The following FGG variants were observed in gnomAD, a reference collection of about 807,000 sequenced individuals.
FGG encodes fibrinogen, gamma polypeptide.
FGG carries 20 observed loss-of-function variants against 51.7 expected under a neutral mutation model. The observed-to-expected ratio is 0.39, with a 90% confidence interval of 0.27 to 0.56. The LOEUF (loss-of-function observed/expected upper bound fraction) is 0.56, where lower values mean the gene tolerates loss of function less well. FGG is among the 20% of genes least tolerant of loss of function. The pLI, the probability that FGG is intolerant of heterozygous loss-of-function variation, is 0.64. For missense variants in FGG, 460 were observed against 534.2 expected (o/e 0.86, Z 1.37); for synonymous variants, 184 against 184.7 (o/e 1.00, Z 0.03).
Position 154,604,997 on chromosome 4 carries a change from G to A in FGG, c.1199C>T (p.Thr400Ile). The A allele has an allele frequency of 6.2e-7, 1 of 1,614,020 alleles. No individual in the cohort carries two copies. The highest frequency in any genetic ancestry group is 8.5e-7 in the Non-Finnish European group (1 of 1,179,972). ...GGTTTTCTTCATGGAATACCACCGG[G>A]TTTTCCAAGTGGCCCAAATAATGCC... The part of the protein sequence containing the change: ...DNGIIWATWK[T>I]RWYSMKKTTM... Residue 400 changes from threonine to isoleucine, a missense_variant, in exon 9 of 9, where the codon ACC becomes ATC. By Grantham distance (89) the Thr-to-Ile change is moderately conservative (BLOSUM62 -1). Coordinates refer to ENST00000336098, the MANE Select transcript of FGG (RefSeq NM_021870.3).
In FGG at chr4:154,608,669, G is replaced by A. The variant is rs747232926; in HGVS notation, c.667-19C>T. ...CAAGTCTCTAATTACACATTTGCAA[G>A]AGCAAAAGGAGAAAATAGACTATCA... On this transcript the variant is annotated intron_variant, in intron 6 of 8. Coordinates refer to ENST00000336098, the MANE Select transcript of FGG (RefSeq NM_021870.3). 2 of 1,601,644 alleles carry A rather than the reference G, an allele frequency of 1.2e-6. No individual in the cohort carries two copies. The highest frequency in any genetic ancestry group is 1.7e-5 in the Admixed American group (1 of 59,954).
rs1278570086 is a variant in FGG, at chr4:154,604,233, T to G, written c.*601A>C. 8.0e-6 allele frequency: 7 copies of G among 872,670 alleles called. No individual in the cohort carries two copies. Among genetic ancestry groups the G allele is most frequent in the Non-Finnish European group, 1.0e-5 (6 of 590,842 alleles). 54.1% of individuals were successfully genotyped at this position (872,670 alleles called of 1,614,324 possible). On this transcript the variant is annotated 3_prime_UTR_variant, in exon 9 of 9. Coordinates refer to ENST00000336098, the MANE Select transcript of FGG (RefSeq NM_021870.3). ...TTTTCAACATGGGGTCTTTTGCTCT[T>G]AAAATGAAGTGAAGCTTTGCAAGTC...
intron 3 of FGG, 58 bp from the exon 4 acceptor site, chr4:154,611,956 C>T (rs1578812603): frequency 5.0e-6 from 8 of 1,604,578 alleles, no homozygotes; most frequent in Non-Finnish European, 6.8e-6. Context: ...ACTAAAACAA[C>T]AGCAAAAGAA....
At chr4:154,605,126 T>G in intron 8 of FGG, 60 bp from the exon 9 acceptor site, 1 of 1,580,542 alleles carries the variant, frequency 6.3e-7, no homozygotes, top group South Asian at 1.1e-5. Flanking sequence ...TCTGCAAGTC[T>G]ATGAAGAGCT....
Position 154,604,393 on chromosome 4 carries a change from A to G in FGG, c.*441T>C, listed in dbSNP as rs2066880. 4.5e-5 allele frequency: 66 copies of G among 1,461,386 alleles called. No individual in the cohort carries two copies. In the South Asian group the frequency reaches 9.1e-4, roughly 20 times the overall value. The allele number at this position is 1,461,386 out of a possible 1,614,324, so 90.5% of individuals were successfully genotyped here. On this transcript the variant is annotated 3_prime_UTR_variant, in exon 9 of 9. Coordinates refer to ENST00000336098, the MANE Select transcript of FGG (RefSeq NM_021870.3). ...ACAAAACAAAAACCATATTAAAAAG[A>G]CATAATTTTCTCCATTTAAAAAGAA...
At chr4:154,609,852 C>G in intron 5 of FGG, 89 bp from the exon 6 acceptor site, 1 of 1,580,334 alleles carries the variant, frequency 6.3e-7, no homozygotes, top group Non-Finnish European at 8.7e-7. Flanking sequence ...ATGTAGTAAA[C>G]TATTCATTTT....
In FGG at chr4:154,608,477, A is replaced by C. The variant is rs1731140089; in HGVS notation, c.840T>G (p.Asn280Lys). ...TTTCAAAACAGTACCTGGTTCTGCC[A>C]TTCCAGTCTTCCAGTTCCACTCTTA... is the stretch of plus-strand genomic sequence containing the variant. ...YALRVELEDW[N>K]GRTSTADYAM... The change falls in exon 7 of 9, where the codon AAT becomes AAG. Residue 280 changes from asparagine (N) to lysine (K), a missense_variant. Transcript: ENST00000336098. 6.2e-7 allele frequency: 1 copy of C among 1,613,376 alleles called. No homozygotes were observed. The highest frequency in any genetic ancestry group is 1.7e-5 in the Admixed American group (1 of 59,902).
intron 7 of FGG, 119 bp downstream of exon 7, chr4:154,608,347 G>C: frequency 1.0e-6 from 1 of 971,524 alleles, no homozygotes; most frequent in Non-Finnish European, 1.6e-6. Flanking sequence ...AGAAAATGGT[G>C]GCTGGATGTG....
chr4:154,610,167 A>C lies in FGG; in HGVS notation c.432T>G (p.Asn144Lys). 6.3e-7 allele frequency: 1 copy of C among 1,590,298 alleles called. No individual in the cohort carries two copies. The highest frequency in any genetic ancestry group is 1.1e-5 in the South Asian group (1 of 90,582). Residue 144 changes from asparagine (N) to lysine (K), a missense_variant, in exon 5 of 9, where the codon AAT (asparagine) becomes AAG (lysine). Coordinates refer to ENST00000336098, the MANE Select transcript of FGG (RefSeq NM_021870.3). ...TCTCTTTCAGGTTAACAATCTTTTGATTATTTGAATTATATATTTCCTGCA... is the reference window on the plus strand; with the variant it reads ...TCTCTTTCAGGTTAACAATCTTTTGCTTATTTGAATTATATATTTCCTGCA... ...RYLQEIYNSN[N>K]QKIVNLKEKV...
intron 8 of FGG, among the ~76,000 whole-genome samples, chr4:154,605,440 C>T (rs192724941): frequency 2.6e-4 from 40 of 152,234 alleles, no homozygotes; most frequent in African/African-American, 9.4e-4. Flanking sequence ...ATGAGGTCAA[C>T]TCAGGTTATT....
Position 154,610,081 on chromosome 4 carries a change from T to C in FGG, c.518A>G (p.Asp173Gly), listed in dbSNP as rs769398415. ...EPCKDTVQIH[D>G]ITGKDCQDIA... ...TCATCAGTTACCTTTCCCAGTGATATCATGGATTTGCACCGTGTCTTTGCA... is the reference window on the plus strand; with the variant it reads ...TCATCAGTTACCTTTCCCAGTGATACCATGGATTTGCACCGTGTCTTTGCA... Residue 173 changes from aspartate (D) to glycine (G), a missense_variant, in exon 5 of 9, where the codon GAT becomes GGT. By Grantham distance (94) the Asp-to-Gly change is moderately conservative. Around this residue, in one of 3 missense-constraint regions of FGG, gnomAD observed 353 missense variants for 391.7 expected, o/e 0.90. Transcript: ENST00000336098. The C allele has an allele frequency of 1.2e-6, 2 of 1,613,880 alleles. No individual in the cohort carries two copies. Among genetic ancestry groups the C allele is most frequent in the South Asian group, 1.1e-5 (1 of 91,070 alleles).
rs543878743 is a variant in FGG at position 154,610,769 on chromosome 4, A to G, written c.402-572T>C. On this transcript the variant is annotated intron_variant, in intron 4 of 8. Transcript: ENST00000336098. ...TCTGGAACGTTATTGTATGTAAAAT[A>G]AAACAACAGATACTTCCCCTTTCTT... Among the ~76,000 whole-genome samples the G allele has an allele frequency of 5.9e-5, 9 of 152,304 alleles. 1 individual carries two copies. In the South Asian group the frequency reaches 1.9e-3, roughly 32 times the overall value.
chr4:154,608,548 C>G lies in FGG; in HGVS notation c.769G>C (p.Glu257Gln). ...TGTTEFWLGN[E>Q]KIHLISTQSA... Reference sequence around the variant, plus strand: ...TGTGTGCTTATCAAATGAATCTTCTCATTTCCCAGCCAAAATTCTGTTGTG... The same window carrying G: ...TGTGTGCTTATCAAATGAATCTTCTGATTTCCCAGCCAAAATTCTGTTGTG... Residue 257 changes from glutamate (E) to glutamine (Q), a missense_variant, in exon 7 of 9, where the codon GAG (glutamate) becomes CAG (glutamine). Glu to Gln is a conservative substitution (Grantham distance 29). Transcript: ENST00000336098. The G allele has an allele frequency of 6.2e-7, 1 of 1,613,880 alleles. No individual in the cohort carries two copies. Among genetic ancestry groups the G allele is most frequent in the Non-Finnish European group, 8.5e-7 (1 of 1,179,872 alleles).
rs1255227094 is a variant in FGG, at chr4:154,610,200, A to G, written c.402-3T>C. Reference sequence around the variant, plus strand: ...AATTATATATTTCCTGCAAATATCTACAAACAGAAACATAAGATAACAAAA... The same window carrying G: ...AATTATATATTTCCTGCAAATATCTGCAAACAGAAACATAAGATAACAAAA... On this transcript the variant is annotated splice_polypyrimidine_tract_variant and splice_region_variant and intron_variant, in intron 4 of 8. Coordinates refer to ENST00000336098, the MANE Select transcript of FGG (RefSeq NM_021870.3). 1 of 1,549,028 alleles carries G rather than the reference A, an allele frequency of 6.5e-7. No individual in the cohort carries two copies. The highest frequency in any genetic ancestry group is 1.1e-5 in the South Asian group (1 of 89,666).
intron 3 of FGG, 30 bp downstream of exon 3, chr4:154,611,987 AT>A: frequency 6.2e-7 from 1 of 1,607,846 alleles, no homozygotes; most frequent in Non-Finnish European, 8.5e-7. Context: ...TATTATTATT[AT>A]TTTTTGGTCA....
chr4:154,609,950 T>A, intron 5 of FGG, 117 bp downstream of exon 5: 1 of 1,527,612 alleles, frequency 6.5e-7, no homozygotes, highest in South Asian at 1.1e-5. Flanking sequence ...CAACTGAAAT[T>A]CTTAGACTTA....
intron 8 of FGG, among the ~76,000 whole-genome samples, chr4:154,605,596 G>C (rs111877157): frequency 2.0e-4 from 31 of 152,188 alleles, no homozygotes; most frequent in Non-Finnish European, 3.7e-4. Context: ...TCTGTAAAAG[G>C]CTTGTCAGAG....
In FGG at chr4:154,610,213, T is replaced by A. The variant is rs776140339; in HGVS notation, c.402-16A>T. ...CTGCAAATATCTACAAACAGAAACA[T>A]AAGATAACAAAAATAAGAAGACAAA... On this transcript the variant is annotated splice_polypyrimidine_tract_variant and intron_variant, in intron 4 of 8. Coordinates refer to ENST00000336098, the MANE Select transcript of FGG (RefSeq NM_021870.3). 3 of 1,539,446 alleles carry A rather than the reference T, an allele frequency of 1.9e-6. No individual in the cohort carries two copies. Among genetic ancestry groups the A allele is most frequent in the Non-Finnish European group, 2.7e-6 (3 of 1,113,148 alleles).
In FGG at chr4:154,609,619, GA is replaced by G. The variant is rs771321207; in HGVS notation, c.666+10del. 2 of 1,613,670 alleles carry G rather than the reference GA, an allele frequency of 1.2e-6. No individual in the cohort carries two copies. Among genetic ancestry groups the G allele is most frequent in the Admixed American group, 1.7e-5 (1 of 59,978 alleles). On this transcript the variant is annotated intron_variant, in intron 6 of 8. Transcript: ENST00000336098. The stretch of plus-strand genomic sequence containing the variant: ...GAATTTATTAAATACACATGGTGGG[GA>G]AAAAATTACCTTCTGAAACACAGTC...
Sources: gnomAD v4.1 joint callset for allele counts (sites outside exome capture counted in the v4.1 genomes callset) on GRCh38, gnomAD v4.1.1 for gene constraint, gnomAD v4.1.1 regional missense constraint, MANE v1.5 for transcripts, NCBI Gene and HGNC (gene_info 2026-07-23, HGNC 2026-07-21) for gene names.